Variants in SLC13A3 observed in about 807,000 individuals in gnomAD.
SLC13A3 encodes Na(+)/dicarboxylate cotransporter 3.
SLC13A3 carries 40 observed loss-of-function variants against 59.0 expected under a neutral mutation model. That is an observed-to-expected ratio of 0.68 (90% CI 0.53 to 0.88). The LOEUF (loss-of-function observed/expected upper bound fraction) is 0.88. Among genes scored for constraint, SLC13A3 ranks in the 40% least tolerant of loss-of-function variants. The pLI is 0.00. For missense variants in SLC13A3, 699 were observed against 783.2 expected (o/e 0.89, Z 1.28); for synonymous variants, 317 against 330.3 (o/e 0.96, Z 0.44).
rs2062310643 is a variant in SLC13A3 at position 46,596,191 on chromosome 20, C to T, written c.760G>A (p.Ala254Thr). 6 of 1,614,008 alleles carry T rather than the reference C, an allele frequency of 3.7e-6. No individual in the cohort carries two copies. In the African/African-American group the frequency reaches 8.0e-5, roughly 22 times the overall value. The change falls in exon 5 of 13, where the codon GCC (alanine) becomes ACC (threonine). Residue 254 changes from alanine (A) to threonine (T), a missense_variant. Transcript: ENST00000279027. ...TGGCCAAGCAGGATGAGGTTAGGGG[C>T]TGTGCCCGTGAGTGTGGCTGTGCCC... ...IGGTATLTGT[A>T]PNLILLGQLK...
intron 9 of SLC13A3, among the ~76,000 whole-genome samples, chr20:46,578,861 A>G (rs2062104901): frequency 1.3e-5 from 2 of 152,130 alleles, no homozygotes; most frequent in African/African-American, 2.4e-5. Flanking sequence ...AGATCCCTAG[A>G]GGAACAGCTA....
intron 1 of SLC13A3, among the ~76,000 whole-genome samples, chr20:46,661,603 T>C (rs2063030534): frequency 1.3e-5 from 2 of 152,206 alleles, no homozygotes; most frequent in Non-Finnish European, 2.9e-5. Context: ...TGGTGAGTTC[T>C]CTTTGTTCTC....
At chr20:46,603,450 C>T (rs958921138) in intron 3 of SLC13A3, among the ~76,000 whole-genome samples, 3 of 151,948 alleles carry the variant, frequency 2.0e-5, no homozygotes, top group Non-Finnish European at 2.9e-5. Flanking sequence ...TCACAGCTCA[C>T]AACAGCCTCG....
chr20:46,619,032 G>T (rs1353894166), intron 1 of SLC13A3, among the ~76,000 whole-genome samples: 1 of 152,206 alleles, frequency 6.6e-6, no homozygotes, highest in Non-Finnish European at 1.5e-5. Flanking sequence ...TGGCACACTT[G>T]TATTTCTTCC....
chr20:46,676,200 C>A (rs369151960), intron 1 of SLC13A3: 3 of 152,316 alleles, frequency 2.0e-5, no homozygotes, highest in African/African-American at 7.2e-5. Flanking sequence ...CAAGCCACCA[C>A]CTGGCCTCAC....
At chr20:46,632,116 T>C (rs899953158) in intron 1 of SLC13A3, among the ~76,000 whole-genome samples, 6 of 152,230 alleles carry the variant, frequency 3.9e-5, no homozygotes, top group African/African-American at 1.4e-4. Flanking sequence ...GCCCACACTT[T>C]GGGGACAGGA....
intron 1 of SLC13A3, among the ~76,000 whole-genome samples, chr20:46,680,417 C>T (rs2063148496): frequency 6.6e-6 from 1 of 152,184 alleles, no homozygotes; most frequent in Admixed American, 6.5e-5. Flanking sequence ...CACGTACCTC[C>T]TTATATGGAT....
chr20:46,590,821 T>G (rs999749086), intron 6 of SLC13A3, among the ~76,000 whole-genome samples: 1 of 152,150 alleles, frequency 6.6e-6, no homozygotes, highest in Admixed American at 6.5e-5. Context: ...AAATGCTTGC[T>G]TCCTTTGAGC....
intron 12 of SLC13A3, among the ~76,000 whole-genome samples, chr20:46,561,834 G>T (rs1401242893): frequency 6.6e-6 from 1 of 152,062 alleles, no homozygotes; most frequent in Non-Finnish European, 1.5e-5. Flanking sequence ...TGGGGAAACT[G>T]GGGGAGGATT....
At chr20:46,560,877 C>T (rs1568905331) in intron 12 of SLC13A3, among the ~76,000 whole-genome samples, 2 of 152,228 alleles carry the variant, frequency 1.3e-5, no homozygotes, top group Admixed American at 6.5e-5. Flanking sequence ...CTGGCTGCCC[C>T]GCCTTCACAT....
rs549909338 is a variant in SLC13A3, at chr20:46,635,927, A to G, written c.111+15384T>C. 3.3e-5 allele frequency among the ~76,000 whole-genome samples: 5 copies of G among 152,334 alleles called. No individual in the cohort carries two copies. The East Asian group carries it at 5.8e-4, about 18-fold the overall frequency. On this transcript the variant is annotated intron_variant, in intron 1 of 12. Transcript: ENST00000279027. ...GCTAAAAGACACTCCCACCAGCACC[A>G]TGACAGCTTATCAATGCCGTGGCAG...
intron 1 of SLC13A3, among the ~76,000 whole-genome samples, chr20:46,683,741 C>T (rs965584005): frequency 6.6e-6 from 1 of 152,296 alleles, no homozygotes; most frequent in South Asian, 2.1e-4. Context: ...CATGAGACAA[C>T]GAGCCTCGGG....
chr20:46,641,472 G>A (rs1169207342), intron 1 of SLC13A3, among the ~76,000 whole-genome samples: 3 of 152,168 alleles, frequency 2.0e-5, no homozygotes, highest in Non-Finnish European at 2.9e-5. Context: ...GGCTGTTTTA[G>A]AGAGTGATTT....
chr20:46,672,370 G>A (rs2063097950), upstream of SLC13A3, among the ~76,000 whole-genome samples: 1 of 152,226 alleles, frequency 6.6e-6, no homozygotes, highest in African/African-American at 2.4e-5. Context: ...ACAGGAGTAT[G>A]GATTTTGGAA....
upstream of SLC13A3, among the ~76,000 whole-genome samples, chr20:46,652,704 A>AT (rs922621298): frequency 4.7e-5 from 7 of 149,886 alleles, no homozygotes; most frequent in Non-Finnish European, 7.4e-5. Flanking sequence ...CGTTATTCTT[A>AT]TTTTTTTTTA....
chr20:46,576,526 T>C (rs1474845097), intron 9 of SLC13A3, among the ~76,000 whole-genome samples: 5 of 152,134 alleles, frequency 3.3e-5, no homozygotes, highest in Admixed American at 3.3e-4. Flanking sequence ...ACCAGGACAA[T>C]GATGCATCTG....
intron 2 of SLC13A3, among the ~76,000 whole-genome samples, 160 bp downstream of exon 2, chr20:46,613,300 G>GAGAGAAATAAAT (rs1555879749): frequency 1.4e-5 from 2 of 146,076 alleles, no homozygotes; most frequent in East Asian, 2.0e-4. Flanking sequence ...AAATAGTAGA[G>GAGAGAAATAAAT]AAATAAATAA....
At chr20:46,622,559 G>A (rs1472945310) in intron 1 of SLC13A3, among the ~76,000 whole-genome samples, 1 of 151,860 alleles carries the variant, frequency 6.6e-6, no homozygotes, top group East Asian at 1.9e-4. Flanking sequence ...GATTTCTGGA[G>A]CAGTAGGGGA....
intron 1 of SLC13A3, among the ~76,000 whole-genome samples, chr20:46,634,050 G>A (rs779821921): frequency 2.2e-4 from 33 of 152,296 alleles, no homozygotes; most frequent in South Asian, 4.1e-4. Context: ...ACGGCTCAGC[G>A]ATGAAGATTA....
Sources: allele counts gnomAD v4.1 joint callset (sites outside exome capture counted in the v4.1 genomes callset), GRCh38; gene constraint gnomAD v4.1.1; transcripts MANE v1.5; gene names NCBI Gene and HGNC (gene_info 2026-07-23, HGNC 2026-07-21).